Variants in SPATA13 observed in about 807,000 individuals in gnomAD.
The protein encoded by SPATA13 is spermatogenesis-associated protein 13.
Under a neutral mutation model 104.0 loss-of-function variants are expected in SPATA13, and 50 were observed. The ratio of observed to expected loss-of-function variants is 0.48; its 90% CI spans 0.38 to 0.61. The LOEUF (loss-of-function observed/expected upper bound fraction) is 0.61, where lower values mean the gene tolerates loss of function less well. SPATA13 is among the 20% of genes least tolerant of loss of function. SPATA13 has a pLI of 0.00. For missense variants in SPATA13, 1,524 were observed against 1,690.6 expected, an observed-to-expected ratio of 0.90 and a Z score of 1.73; for synonymous variants, 606 against 667.5, an observed-to-expected ratio of 0.91 and a Z score of 1.42.
At chr13:24,010,798 G>A (rs1396914046) in intron 2 of SPATA13, among the ~76,000 whole-genome samples, 1 of 152,074 alleles carries the variant, frequency 6.6e-6, no homozygotes, top group African/African-American at 2.4e-5. Context: ...CCAGTGCCTT[G>A]TTGGTGGATC....
At chr13:24,183,570 G>A (rs192647295) in intron 1 of SPATA13, among the ~76,000 whole-genome samples, 4 of 151,446 alleles carry the variant, frequency 2.6e-5, no homozygotes, top group East Asian at 3.9e-4. Context: ...ACACAAATTC[G>A]TAAACTTTCT....
At chr13:24,046,175 C>T (rs1878135469) in intron 3 of SPATA13, among the ~76,000 whole-genome samples, 1 of 152,120 alleles carries the variant, frequency 6.6e-6, no homozygotes, top group African/African-American at 2.4e-5. Context: ...AGTGAACACT[C>T]ATGTACTAGC....
chr13:24,258,148 T>C (rs1366159103), intron 4 of SPATA13, among the ~76,000 whole-genome samples: 1 of 151,850 alleles, frequency 6.6e-6, no homozygotes, highest in Non-Finnish European at 1.5e-5. Flanking sequence ...GGCAGGAGAA[T>C]TGCTTGAACA....
At chr13:24,249,877 A>G in intron 3 of SPATA13, 35 bp downstream of exon 3, 2 of 1,543,732 alleles carry the variant, frequency 1.3e-6, no homozygotes, top group Non-Finnish European at 1.7e-6. Context: ...AAGCCAGCAG[A>G]GGCCCTCCAG....
chr13:24,254,760 T>C (rs924578274), intron 4 of SPATA13, among the ~76,000 whole-genome samples: 1 of 152,066 alleles, frequency 6.6e-6, no homozygotes, highest in Non-Finnish European at 1.5e-5. Flanking sequence ...AGACTTCCTG[T>C]GGTTTAGCCC....
intron 3 of SPATA13, among the ~76,000 whole-genome samples, chr13:24,027,619 G>A (rs1877288948): frequency 1.3e-5 from 2 of 151,876 alleles, no homozygotes; most frequent in Admixed American, 1.3e-4. Context: ...TTATCTTTAT[G>A]TATTAGTTCT....
At chr13:24,112,385 G>A (rs552279477) in intron 3 of SPATA13, among the ~76,000 whole-genome samples, 2 of 152,248 alleles carry the variant, frequency 1.3e-5, no homozygotes, top group East Asian at 1.9e-4. Flanking sequence ...CACATTGTAT[G>A]ACAATCAATC....
rs887374172 is a variant in SPATA13, at chr13:24,011,575, A to G, written c.-146-6092A>G. Among the ~76,000 whole-genome samples the G allele has an allele frequency of 1.3e-5, 2 of 152,160 alleles. No homozygotes were observed. The highest frequency in any genetic ancestry group is 2.9e-5 in the Non-Finnish European group (2 of 68,034). On this transcript the variant is annotated intron_variant, in intron 2 of 14. Coordinates refer to the SPATA13 transcript ENST00000424834. The surrounding 1 kb of genome is among the most constrained non-coding windows in gnomAD (Gnocchi z 4.3). ...TGGCCATGCTCCTGATGGGCCTGAT[A>G]TGGATACAGACTAGCATGTCCCATG... is the stretch of plus-strand genomic sequence containing the variant.
chr13:24,199,902 T>C (rs1246497099), intron 1 of SPATA13, among the ~76,000 whole-genome samples: 3 of 152,204 alleles, frequency 2.0e-5, no homozygotes, highest in Non-Finnish European at 4.4e-5. Flanking sequence ...AATAATAATA[T>C]ATGTCTTATA....
At chr13:24,258,909 G>C (rs1219367108) in intron 4 of SPATA13, among the ~76,000 whole-genome samples, 1 of 152,188 alleles carries the variant, frequency 6.6e-6, no homozygotes, top group Admixed American at 6.5e-5. Flanking sequence ...TCAGGTCCAC[G>C]TCAGGAGCTT....
At position 24,021,993 on chromosome 13, in the gene SPATA13, G is replaced by A. The variant is rs139001764; in HGVS notation, c.-112+4292G>A. Among the ~76,000 whole-genome samples, 20 of 151,858 alleles carry A rather than the reference G, an allele frequency of 1.3e-4. No individual in the cohort carries two copies. In the East Asian group the frequency reaches 3.9e-3, roughly 29 times the overall value. On this transcript the variant is annotated intron_variant, in intron 3 of 14. Transcript: ENST00000424834. ...CCCAAAGTGCTGGGATTACAGGCGT[G>A]AGCCACTGCGCCCGGCCAGTTGTTG... is the stretch of plus-strand genomic sequence containing the variant.
rs143335066 is a variant in SPATA13, at chr13:24,287,451, G to A, written c.2667+501G>A. Among the ~76,000 whole-genome samples the A allele has an allele frequency of 9.8e-5, 15 of 152,348 alleles. No individual in the cohort carries two copies. In the East Asian group the frequency reaches 2.9e-3, roughly 29 times the overall value. ...GTGCTGGGATTAGAGGCGTGAGCCA[G>A]TGTGCCCGGCCCCTCTCTTAAGTGC... On this transcript the variant is annotated intron_variant, in intron 7 of 12. Coordinates refer to ENST00000382108, the MANE Select transcript of SPATA13 (RefSeq NM_001166271.3).
At chr13:24,277,451 AAAAAAAAAAAAG>A (rs1875092944) in intron 4 of SPATA13, among the ~76,000 whole-genome samples, 1 of 136,876 alleles carries the variant, frequency 7.3e-6, no homozygotes, top group South Asian at 2.5e-4. Flanking sequence ...CTCAAAAAAA[AAAAAAAAAAAAG>A]AAGAAGTTCA....
At chr13:24,127,161 T>G (rs1424867997) in intron 3 of SPATA13, among the ~76,000 whole-genome samples, 1 of 152,108 alleles carries the variant, frequency 6.6e-6, no homozygotes, top group African/African-American at 2.4e-5. Flanking sequence ...AGAGGACTGT[T>G]TAATAAGGGA....
At chr13:24,047,259 GA>G (rs2137736886) in intron 3 of SPATA13, among the ~76,000 whole-genome samples, 1 of 152,280 alleles carries the variant, frequency 6.6e-6, no homozygotes, top group South Asian at 2.1e-4. Flanking sequence ...GGAACAATTG[GA>G]AAAGTCACCA....
At chr13:24,199,847 A>AAGGG (rs1870300301) in intron 1 of SPATA13, among the ~76,000 whole-genome samples, 1 of 152,224 alleles carries the variant, frequency 6.6e-6, no homozygotes, top group Non-Finnish European at 1.5e-5. Context: ...TATGTAAGTA[A>AAGGG]TTGTAATCCA....
At chr13:24,120,407 T>C (rs1389329957) in intron 3 of SPATA13, among the ~76,000 whole-genome samples, 2 of 152,214 alleles carry the variant, frequency 1.3e-5, no homozygotes, top group Non-Finnish European at 2.9e-5. Flanking sequence ...TAAGCTGTCT[T>C]TACTTGCCTG....
chr13:24,183,799 G>A (rs1264493315), intron 1 of SPATA13, among the ~76,000 whole-genome samples: 1 of 152,038 alleles, frequency 6.6e-6, no homozygotes, highest in Non-Finnish European at 1.5e-5. Context: ...GGCGGGGTGA[G>A]CAGGACTCTT....
At chr13:23,984,588 T>TA (rs1417098700) in intron 2 of SPATA13, among the ~76,000 whole-genome samples, 1 of 152,164 alleles carries the variant, frequency 6.6e-6, no homozygotes, top group African/African-American at 2.4e-5. Context: ...CCCCTTTACT[T>TA]TTAAGTGTGA....
Sources: gnomAD v4.1 joint callset for allele counts (sites outside exome capture counted in the v4.1 genomes callset) on GRCh38, gnomAD v4.1.1 for gene constraint, Gnocchi (gnomAD v3.1) non-coding constraint, MANE v1.5 for transcripts, NCBI Gene and HGNC (gene_info 2026-07-23, HGNC 2026-07-21) for gene names.